The following MS4A14 variants were observed in gnomAD, a reference collection of about 807,000 sequenced individuals.
MS4A14 encodes membrane-spanning 4-domains subfamily A member 14.
Under a neutral mutation model 16.7 loss-of-function variants are expected in MS4A14, and 18 were observed. The ratio of observed to expected loss-of-function variants is 1.08; its 90% CI spans 0.75 to 1.60. MS4A14 has a LOEUF of 1.60. MS4A14 is among the 40% of genes most tolerant of loss of function. MS4A14 has a pLI of 0.00. For missense variants in MS4A14, 812 were observed against 775.3 expected (o/e 1.05, Z -0.56); for synonymous variants, 305 against 289.4 (o/e 1.05, Z -0.55).
At chr11:60,404,743 C>T in intron 4 of MS4A14, 1 of 393,580 alleles carries the variant, frequency 2.5e-6, no homozygotes, top group South Asian at 1.9e-5. Flanking sequence ...TTCTTCCTGA[C>T]CTCACCTCTA....
At chr11:60,410,434 T>C (rs2085851167) in intron 4 of MS4A14, among the ~76,000 whole-genome samples, 1 of 149,604 alleles carries the variant, frequency 6.7e-6, no homozygotes, top group African/African-American at 2.5e-5. Flanking sequence ...TGACTTTTGA[T>C]GCACAAAAGT....
At chr11:60,407,290 G>C (rs4938942) in intron 4 of MS4A14, among the ~76,000 whole-genome samples, 95,960 of 152,026 alleles carry the variant, frequency 0.63, 30,764 homozygotes, top group Middle Eastern at 0.72. Context: ...CAAAGTTCTG[G>C]GATTACAGGT....
In MS4A14 at chr11:60,416,866, T is replaced by G; in HGVS notation, c.1898T>G (p.Val633Gly). 3 of 1,613,622 alleles carry G rather than the reference T, an allele frequency of 1.9e-6. No homozygotes were observed. The highest frequency in any genetic ancestry group is 2.5e-6 in the Non-Finnish European group (3 of 1,179,784). The change falls in exon 5 of 5, where the codon GTG becomes GGG. Residue 633 changes from valine to glycine, a missense_variant. By Grantham distance (109) the Val-to-Gly change is moderately radical. Transcript: ENST00000300187. Reference sequence around the variant, plus strand: ...CAAGCCGAAGGACAGCAAGCTCAGGTGGAGAAAGTGCCAAAACTGTTATGC... The same window carrying G: ...CAAGCCGAAGGACAGCAAGCTCAGGGGGAGAAAGTGCCAAAACTGTTATGC... ...NVQAEGQQAQ[V>G]EKVPKLLCQD...
intron 4 of MS4A14, among the ~76,000 whole-genome samples, chr11:60,407,130 T>C (rs1468252341): frequency 6.9e-6 from 1 of 144,104 alleles, no homozygotes; most frequent in African/African-American, 2.6e-5. Context: ...CCTTTCCACC[T>C]CAGCCTCCCA....
chr11:60,413,917 C>A (rs2085901898), intron 4 of MS4A14, among the ~76,000 whole-genome samples: 1 of 152,060 alleles, frequency 6.6e-6, no homozygotes, highest in African/African-American at 2.4e-5. Flanking sequence ...AAGCACAGGA[C>A]CTCAGATTCA....
Position 60,396,554 on chromosome 11 carries a change from C to A in MS4A14, c.-25C>A. The A allele has an allele frequency of 1.2e-6, 2 of 1,610,044 alleles. No homozygotes were observed. Among genetic ancestry groups the A allele is most frequent in the Non-Finnish European group, 1.7e-6 (2 of 1,178,024 alleles). On this transcript the variant is annotated 5_prime_UTR_variant, in exon 1 of 5. Coordinates refer to ENST00000300187, the MANE Select transcript of MS4A14 (RefSeq NM_032597.5). ...GCGGCAATGTTTGCTCACTCTTTCC[C>A]TTACTAGAGTTCTGCCATAGAATCA...
chr11:60,416,758 CAAAG>C lies in MS4A14; in HGVS notation c.1793_1796del (p.Lys598SerfsTer79), dbSNP rs1261830159. ...CAGCAGACTGATAAGGAGCAAAACT[CAAAG>C]AAGCAAACCCAGGATCAGCAAACTG... On this transcript the variant is annotated frameshift_variant, in exon 5 of 5. Coordinates refer to ENST00000300187, the MANE Select transcript of MS4A14 (RefSeq NM_032597.5). LOFTEE classifies it low-confidence loss of function (END_TRUNC). The C allele has an allele frequency of 1.2e-6, 2 of 1,613,386 alleles. No individual in the cohort carries two copies. The highest frequency in any genetic ancestry group is 2.2e-5 in the South Asian group (2 of 91,036).
Position 60,396,474 on chromosome 11 carries a change from G to T in MS4A14, c.-105G>T. On this transcript the variant is annotated 5_prime_UTR_variant, in exon 1 of 5. Coordinates refer to ENST00000300187, the MANE Select transcript of MS4A14 (RefSeq NM_032597.5). Reference sequence around the variant, plus strand: ...ACTACTGAGTAGAGTCATCACTAAGGGCTCATCTCTGAGGGCTCCATGTGA... The same window carrying T: ...ACTACTGAGTAGAGTCATCACTAAGTGCTCATCTCTGAGGGCTCCATGTGA... The T allele has an allele frequency of 4.7e-6, 6 of 1,269,528 alleles. No individual in the cohort carries two copies. The highest frequency in any genetic ancestry group is 1.5e-5 in the South Asian group (1 of 65,646). The allele number at this position is 1,269,528 out of a possible 1,614,324, so 78.6% of individuals were successfully genotyped here.
Position 60,402,909 on chromosome 11 carries a change from C to T in MS4A14, c.319-3C>T. On this transcript the variant is annotated splice_region_variant and splice_polypyrimidine_tract_variant and intron_variant, in intron 3 of 4. Transcript: ENST00000300187. The stretch of plus-strand genomic sequence containing the variant: ...ATTTTATCATTTTTAAACTATCTTT[C>T]AGGGTCAAGGTGTCACGGGCATGAA... 2.5e-6 allele frequency: 4 copies of T among 1,610,788 alleles called. No individual in the cohort carries two copies. The highest frequency in any genetic ancestry group is 3.4e-6 in the Non-Finnish European group (4 of 1,178,742).
At chr11:60,402,773 C>A (rs2085733067) in intron 3 of MS4A14, 139 bp from the exon 4 acceptor site, 2 of 821,866 alleles carry the variant, frequency 2.4e-6, no homozygotes, top group East Asian at 2.6e-5. Context: ...TTTATTAAGC[C>A]TTCCAATCAT....
At chr11:60,399,271 T>TGACC (rs2085675238) in intron 2 of MS4A14, among the ~76,000 whole-genome samples, 1 of 152,228 alleles carries the variant, frequency 6.6e-6, no homozygotes, top group Admixed American at 6.5e-5. Flanking sequence ...AGGACTCACC[T>TGACC]GACCATGGAG....
At chr11:60,399,168 G>A (rs987842654) in intron 2 of MS4A14, among the ~76,000 whole-genome samples, 1 of 152,196 alleles carries the variant, frequency 6.6e-6, no homozygotes, top group African/African-American at 2.4e-5. Context: ...GACTAGACAT[G>A]AAAAAGTCAA....
At chr11:60,405,488 TG>T (rs904851045) in intron 4 of MS4A14, among the ~76,000 whole-genome samples, 3 of 152,160 alleles carry the variant, frequency 2.0e-5, no homozygotes, top group African/African-American at 2.4e-5. Flanking sequence ...TAAAGCAAAA[TG>T]GGCAAAATGG....
At chr11:60,412,835 A>G (rs2085886889) in intron 4 of MS4A14, among the ~76,000 whole-genome samples, 1 of 151,960 alleles carries the variant, frequency 6.6e-6, no homozygotes, top group Admixed American at 6.6e-5. Context: ...TCTAGGTCAT[A>G]TGAATTTCCA....
Position 60,415,915 on chromosome 11 carries a change from CA to C in MS4A14, c.948del (p.Pro317LeufsTer11), listed in dbSNP as rs1483798978. Reference sequence around the variant, plus strand: ...TCTGCACTAAAACTCGAAGATATATCACCTGAAGACTTGCCATCCCAAGCTC... The same window carrying C: ...TCTGCACTAAAACTCGAAGATATATCCCTGAAGACTTGCCATCCCAAGCTC... ...SHSALKLEDI[S>X]PEDLPSQALP... On this transcript the variant is annotated frameshift_variant, in exon 5 of 5. Transcript: ENST00000300187. LOFTEE classifies it low-confidence loss of function (END_TRUNC). The C allele has an allele frequency of 6.2e-7, 1 of 1,613,956 alleles. No homozygotes were observed. Among genetic ancestry groups the C allele is most frequent in the Non-Finnish European group, 8.5e-7 (1 of 1,179,938 alleles).
rs1303817419 is a variant in MS4A14, at chr11:60,416,749, A to ATTTCT, written c.1781_1782insTTTCT (p.Glu594AspfsTer86). On this transcript the variant is annotated frameshift_variant, in exon 5 of 5. Coordinates refer to ENST00000300187, the MANE Select transcript of MS4A14 (RefSeq NM_032597.5). LOFTEE classifies it low-confidence loss of function (END_TRUNC). ...GTTAAAGACCAGCAGACTGATAAGG[A>ATTTCT]GCAAAACTCAAAGAAGCAAACCCAG... 1 of 1,613,646 alleles carries ATTTCT rather than the reference A, an allele frequency of 6.2e-7. No homozygotes were observed. The highest frequency in any genetic ancestry group is 1.7e-5 in the Admixed American group (1 of 59,872).
At chr11:60,415,385 A>G in intron 4 of MS4A14, 52 bp from the exon 5 acceptor site, 1 of 1,520,678 alleles carries the variant, frequency 6.6e-7, no homozygotes, top group African/African-American at 1.4e-5. Context: ...AAACAAAAAA[A>G]AAATCAGACA....
intron 3 of MS4A14, among the ~76,000 whole-genome samples, chr11:60,401,514 G>C (rs190360846): frequency 2.4e-4 from 36 of 152,292 alleles, no homozygotes; most frequent in African/African-American, 8.7e-4. Flanking sequence ...AATGATGGAG[G>C]CAGGATGCTG....
At chr11:60,405,731 GAC>G (rs2085777479) in intron 4 of MS4A14, among the ~76,000 whole-genome samples, 1 of 152,174 alleles carries the variant, frequency 6.6e-6, no homozygotes. Flanking sequence ...TCATCAGAAA[GAC>G]ACAAGATGAA....
Sources: allele counts gnomAD v4.1 joint callset (sites outside exome capture counted in the v4.1 genomes callset), GRCh38; gene constraint gnomAD v4.1.1; transcripts MANE v1.5; gene names NCBI Gene and HGNC (gene_info 2026-07-23, HGNC 2026-07-21).